MYO5B: variants seen among roughly 807,000 people sequenced by gnomAD.
The protein encoded by MYO5B is unconventional myosin-Vb.
MYO5B carries 143 observed loss-of-function variants against 229.3 expected under a neutral mutation model. The ratio of observed to expected loss-of-function variants is 0.62; its 90% CI spans 0.54 to 0.72. MYO5B has a LOEUF of 0.72. Among genes scored for constraint, MYO5B ranks in the 30% least tolerant of loss-of-function variants. MYO5B has a pLI of 0.00. For missense variants in MYO5B, 2,321 were observed against 2,331.0 expected (o/e 1.00, Z 0.09); for synonymous variants, 918 against 885.2 (o/e 1.04, Z -0.66).
intron 4 of MYO5B, among the ~76,000 whole-genome samples, chr18:50,020,037 C>T (rs1598958312): frequency 2.0e-5 from 3 of 152,178 alleles, no homozygotes; most frequent in African/African-American, 7.2e-5. Context: ...TCACCAAGCT[C>T]ATCTACCCTA....
intron 1 of MYO5B, among the ~76,000 whole-genome samples, chr18:50,127,894 G>A (rs143004562): frequency 6.1e-4 from 93 of 152,308 alleles, no homozygotes; most frequent in African/African-American, 2.0e-3. Flanking sequence ...GGGTAAAAGG[G>A]AACCCTGCCT....
chr18:50,023,140 A>G (rs1225652006), intron 4 of MYO5B, among the ~76,000 whole-genome samples: 1 of 152,052 alleles, frequency 6.6e-6, no homozygotes, highest in Non-Finnish European at 1.5e-5. Context: ...GTCTTACAAA[A>G]AAAAAAAAAA....
At chr18:49,882,598 A>G (rs1011940871) in intron 22 of MYO5B, among the ~76,000 whole-genome samples, 4 of 144,624 alleles carry the variant, frequency 2.8e-5, no homozygotes, top group Non-Finnish European at 6.0e-5. Flanking sequence ...ACAGCACTCC[A>G]GCCTGGCAAC....
chr18:49,994,670 C>A (rs929962390), intron 5 of MYO5B, among the ~76,000 whole-genome samples: 1 of 152,168 alleles, frequency 6.6e-6, no homozygotes, highest in Non-Finnish European at 1.5e-5. Flanking sequence ...TCAGCTTCCT[C>A]CAACCAAAGG....
rs1200340555 is a variant in MYO5B at position 50,165,412 on chromosome 18, T to G, written c.27+29355A>C. Among the ~76,000 whole-genome samples the G allele has an allele frequency of 2.0e-5, 3 of 152,028 alleles. No homozygotes were observed. In the East Asian group the frequency reaches 5.8e-4, roughly 29 times the overall value. On this transcript the variant is annotated intron_variant, in intron 1 of 39. Coordinates refer to ENST00000285039, the MANE Select transcript of MYO5B (RefSeq NM_001080467.3). ...GGAGAATCACTTGAGTCCAGGTAGC[T>G]GAGACTTCAGTGAGCCATGATTGTG...
At chr18:49,938,050 T>A (rs2025270534) in intron 14 of MYO5B, among the ~76,000 whole-genome samples, 2 of 152,198 alleles carry the variant, frequency 1.3e-5, no homozygotes, top group Non-Finnish European at 2.9e-5. Context: ...TCCCATACAA[T>A]CTCACTCAAT....
chr18:49,969,723 G>C (rs1249315750), intron 10 of MYO5B: 2 of 152,216 alleles, frequency 1.3e-5, no homozygotes, highest in Admixed American at 6.5e-5. Flanking sequence ...GCACCGAATA[G>C]AGTTGGATGC....
intron 1 of MYO5B, among the ~76,000 whole-genome samples, chr18:50,102,602 T>A (rs2031676590): frequency 6.6e-6 from 1 of 152,098 alleles, no homozygotes; most frequent in African/African-American, 2.4e-5. Context: ...TGAAGGCTGC[T>A]CCAACCCAGT....
chr18:49,933,460 A>T (rs1453507761), intron 16 of MYO5B, among the ~76,000 whole-genome samples: 1 of 152,230 alleles, frequency 6.6e-6, no homozygotes, highest in Non-Finnish European at 1.5e-5. Context: ...GAGGTATGAT[A>T]GATGTTTCTT....
At chr18:49,849,035 G>T (rs1476718814) in intron 32 of MYO5B, among the ~76,000 whole-genome samples, 1 of 151,870 alleles carries the variant, frequency 6.6e-6, no homozygotes, top group Admixed American at 6.6e-5. Context: ...GCTGAAAGAG[G>T]GTTCCAAGCA....
chr18:49,919,348 G>A (rs925483625), intron 17 of MYO5B, among the ~76,000 whole-genome samples: 4 of 152,022 alleles, frequency 2.6e-5, no homozygotes, highest in Non-Finnish European at 4.4e-5. Context: ...AAGCTTTTGT[G>A]CTTCAAAGAA....
chr18:50,001,746 A>G (rs1339060981), intron 4 of MYO5B, among the ~76,000 whole-genome samples: 1 of 152,128 alleles, frequency 6.6e-6, no homozygotes, highest in Non-Finnish European at 1.5e-5. Context: ...TCACAAGCAC[A>G]CACAGACCAG....
intron 1 of MYO5B, among the ~76,000 whole-genome samples, chr18:50,151,490 G>A (rs947084310): frequency 2.0e-5 from 3 of 152,156 alleles, no homozygotes; most frequent in African/African-American, 7.2e-5. Context: ...AGCCTTCTTG[G>A]ATAGGGGTGG....
At chr18:49,989,928 T>A (rs186859006) in intron 7 of MYO5B, among the ~76,000 whole-genome samples, 15 of 152,328 alleles carry the variant, frequency 9.8e-5, no homozygotes, top group African/African-American at 2.9e-4. Context: ...GAGTCTCACA[T>A]GCCAGAGCCC....
chr18:50,148,798 A>G (rs562710428), intron 1 of MYO5B, among the ~76,000 whole-genome samples: 10 of 151,876 alleles, frequency 6.6e-5, no homozygotes, highest in Admixed American at 1.3e-4. Flanking sequence ...CTCTCTCACC[A>G]CTCCTATTCA....
At chr18:49,885,261 G>C (rs1442782911) in intron 22 of MYO5B, among the ~76,000 whole-genome samples, 1 of 152,212 alleles carries the variant, frequency 6.6e-6, no homozygotes, top group Non-Finnish European at 1.5e-5. Context: ...GTCTCAACCT[G>C]TGTAGAAAGA....
chr18:50,010,774 C>T (rs936352802), intron 4 of MYO5B, among the ~76,000 whole-genome samples: 1 of 152,148 alleles, frequency 6.6e-6, no homozygotes, highest in Admixed American at 6.5e-5. Flanking sequence ...GCCTGTCAGA[C>T]CAAATAAACA....
intron 3 of MYO5B, among the ~76,000 whole-genome samples, chr18:50,037,628 G>A (rs1300622247): frequency 2.0e-5 from 3 of 152,132 alleles, no homozygotes; most frequent in Admixed American, 6.5e-5. Flanking sequence ...TGCCAGGCAC[G>A]GTGGCTCATG....
intron 1 of MYO5B, among the ~76,000 whole-genome samples, chr18:50,177,685 GC>G (rs2033016157): frequency 1.3e-5 from 2 of 152,230 alleles, no homozygotes; most frequent in South Asian, 4.1e-4. Flanking sequence ...AAGGCTGAAA[GC>G]CCCCAAATGA....
Sources: gnomAD v4.1 joint callset for allele counts (sites outside exome capture counted in the v4.1 genomes callset) on GRCh38, gnomAD v4.1.1 for gene constraint, MANE v1.5 for transcripts, NCBI Gene and HGNC (gene_info 2026-07-23, HGNC 2026-07-21) for gene names.